The following CMTM4 variants were observed in gnomAD, a reference collection of about 807,000 sequenced individuals.
CMTM4 encodes CKLF like MARVEL transmembrane domain containing 4.
CMTM4 carries 8 observed loss-of-function variants against 19.0 expected under a neutral mutation model. The observed-to-expected ratio is 0.42, with a 90% CI of 0.25 to 0.76. The LOEUF is 0.76. CMTM4 is among the 30% of genes least tolerant of loss of function. The pLI, the probability that CMTM4 is intolerant of heterozygous loss-of-function variation, is 0.27. For synonymous variants in CMTM4, 106 were observed against 121.1 expected, an observed-to-expected ratio of 0.88 and a Z score of 0.82; for missense variants, 228 against 290.2, an observed-to-expected ratio of 0.79 and a Z score of 1.56.
intron 2 of CMTM4, among the ~76,000 whole-genome samples, chr16:66,635,119 G>A (rs911643270): frequency 2.0e-5 from 3 of 152,100 alleles, no homozygotes; most frequent in Admixed American, 6.5e-5. Context: ...GGTTTGCAAA[G>A]TTCTCTTAAA....
intron 1 of CMTM4, among the ~76,000 whole-genome samples, chr16:66,682,958 A>G (rs773764092): frequency 1.4e-4 from 22 of 151,966 alleles, no homozygotes; most frequent in Admixed American, 1.2e-3. Context: ...GGTTTCCCCA[A>G]CTTTTACAAA....
At chr16:66,682,602 TTTGAAA>T (rs1246716275) in intron 1 of CMTM4, among the ~76,000 whole-genome samples, 4 of 152,198 alleles carry the variant, frequency 2.6e-5, no homozygotes, top group Admixed American at 6.6e-5. Flanking sequence ...TAACCATTCA[TTTGAAA>T]TTGTCAACAA....
intron 1 of CMTM4, among the ~76,000 whole-genome samples, chr16:66,643,617 G>A (rs2144824512): frequency 6.6e-6 from 1 of 152,300 alleles, no homozygotes; most frequent in Admixed American, 6.5e-5. Flanking sequence ...GTAATGTAGT[G>A]TATGCAACTA....
chr16:66,663,892 A>G (rs1390777204), intron 1 of CMTM4, among the ~76,000 whole-genome samples: 1 of 152,016 alleles, frequency 6.6e-6, no homozygotes, highest in East Asian at 1.9e-4. Flanking sequence ...CTGTCTTTCT[A>G]TTTGTTTAAA....
chr16:66,600,136 G>GTGTGTGGTTTT, the CMTM4 span, among the ~76,000 whole-genome samples: 1 of 135,154 alleles, frequency 7.4e-6, no homozygotes, highest in Admixed American at 7.8e-5. Flanking sequence ...GTGTGTGTGT[G>GTGTGTGGTTTT]TTTTTTTTTG....
In CMTM4 at chr16:66,627,121, A is replaced by G. The variant is rs540802151; in HGVS notation, c.364-3619T>C. Among the ~76,000 whole-genome samples, 3 of 152,312 alleles carry G rather than the reference A, an allele frequency of 2.0e-5. No homozygotes were observed. In the East Asian group the frequency reaches 5.8e-4, roughly 29 times the overall value. On this transcript the variant is annotated intron_variant, in intron 2 of 3. Transcript: ENST00000394106. ...CTGTCTCAAAAAAATAAATAAATAA[A>G]TGATATAAGGCAAAAAGGTCTAAGT...
chr16:66,676,310 C>T (rs2016810120), intron 1 of CMTM4, among the ~76,000 whole-genome samples: 1 of 152,194 alleles, frequency 6.6e-6, no homozygotes, highest in Non-Finnish European at 1.5e-5. Flanking sequence ...CAAAAAACGC[C>T]TAAGGCTCTT....
At chr16:66,611,656 G>C (rs1457173836), downstream of CMTM4, among the ~76,000 whole-genome samples, 1 of 152,102 alleles carries the variant, frequency 6.6e-6, no homozygotes, top group Non-Finnish European at 1.5e-5. Flanking sequence ...TCAGGAAGTA[G>C]CAACCAGCAC....
chr16:66,666,701 G>T (rs2016600188), intron 1 of CMTM4, among the ~76,000 whole-genome samples: 1 of 152,166 alleles, frequency 6.6e-6, no homozygotes, highest in Non-Finnish European at 1.5e-5. Flanking sequence ...ATTATGAGAT[G>T]CCACTACACA....
chr16:66,666,181 G>A lies in CMTM4; in HGVS notation c.187-29600C>T, dbSNP rs571244897. Among the ~76,000 whole-genome samples the A allele has an allele frequency of 2.2e-4, 33 of 152,092 alleles. No homozygotes were observed. In the East Asian group the frequency reaches 3.1e-3, roughly 14 times the overall value. On this transcript the variant is annotated intron_variant, in intron 1 of 3. Transcript: ENST00000394106. The stretch of plus-strand genomic sequence containing the variant: ...TAAGAAAATAAGACAGGCCAGGTGC[G>A]GTGGCTCACGCCTGTAATCCCAGCA...
intron 1 of CMTM4, among the ~76,000 whole-genome samples, chr16:66,655,840 G>A (rs1301887252): frequency 6.6e-6 from 1 of 152,154 alleles, no homozygotes; most frequent in Non-Finnish European, 1.5e-5. Flanking sequence ...TAGTTTGGCC[G>A]GGTGCAGTGG....
chr16:66,604,974 G>C, the CMTM4 span: 7 of 1,473,846 alleles, frequency 4.7e-6, no homozygotes, highest in Non-Finnish European at 5.4e-6. Flanking sequence ...GGGACCCTCG[G>C]CCGCCCCGCT....
At position 66,622,763 on chromosome 16, in the gene CMTM4, C is replaced by G. The variant is rs2015663457; in HGVS notation, c.463-541G>C. ...ACACCTGCCTCTCATGGGGCAGCTCCAAGTAAGCAGCTCCAGAGTAAGAAG... is the reference window on the plus strand; with the variant it reads ...ACACCTGCCTCTCATGGGGCAGCTCGAAGTAAGCAGCTCCAGAGTAAGAAG... On this transcript the variant is annotated intron_variant, in intron 3 of 3. Coordinates refer to ENST00000394106, the MANE Select transcript of CMTM4 (RefSeq NM_181521.3). The surrounding 1 kb of genome is among the most constrained non-coding windows in gnomAD (Gnocchi z 4.0). Among the ~76,000 whole-genome samples, 2 of 152,210 alleles carry G rather than the reference C, an allele frequency of 1.3e-5. No homozygotes were observed. The highest frequency in any genetic ancestry group is 1.9e-4 in the East Asian group (1 of 5,194).
the CMTM4 span, among the ~76,000 whole-genome samples, chr16:66,598,463 T>G: frequency 4.6e-5 from 7 of 152,302 alleles, no homozygotes; most frequent in East Asian, 1.4e-3. Flanking sequence ...TGAAATAAAA[T>G]GCACCCATTG....
rs533857690 is a variant in CMTM4, at chr16:66,620,182, T to C, written c.*1876A>G. 3.0e-6 allele frequency: 3 copies of C among 985,488 alleles called. No individual in the cohort carries two copies. The South Asian group carries it at 1.4e-4, about 46-fold the overall frequency. 61.0% of individuals were successfully genotyped at this position (985,488 alleles called of 1,614,324 possible). On this transcript the variant is annotated 3_prime_UTR_variant, in exon 4 of 4. Transcript: ENST00000394106. The stretch of plus-strand genomic sequence containing the variant: ...GGATGGTCCTTCCAAGTGGGCCCCA[T>C]TTAATGCAAGGCTGAGCCTTTGTGG...
At chr16:66,609,404 G>A in the CMTM4 span, 3 of 1,593,812 alleles carry the variant, frequency 1.9e-6, no homozygotes, top group East Asian at 2.2e-5. This position sits in a 1 kb window ranked among gnomAD's most constrained non-coding sequence, Gnocchi z 4.4. Flanking sequence ...CAGCTCCAGG[G>A]GCTCAGGGCA....
intron 1 of CMTM4, among the ~76,000 whole-genome samples, chr16:66,655,149 A>C (rs1452419574): frequency 1.3e-5 from 2 of 152,062 alleles, no homozygotes; most frequent in African/African-American, 2.4e-5. Context: ...ATACACGGCT[A>C]ATTTTTCTAA....
the CMTM4 span, chr16:66,609,590 G>A: frequency 6.5e-7 from 1 of 1,533,898 alleles, no homozygotes; most frequent in Non-Finnish European, 8.8e-7. The surrounding 1 kb of genome is among the most constrained non-coding windows in gnomAD (Gnocchi z 4.4). Context: ...CTCATTTAGG[G>A]TGGGACCTGG....
chr16:66,608,231 C>A, the CMTM4 span: 1 of 1,538,470 alleles, frequency 6.5e-7, no homozygotes, highest in Non-Finnish European at 8.9e-7. This position sits in a 1 kb window ranked among gnomAD's most constrained non-coding sequence, Gnocchi z 5.1. Flanking sequence ...CTATCCTGAC[C>A]ACAGGGCCTG....
Sources: gnomAD v4.1 joint callset for allele counts (sites outside exome capture counted in the v4.1 genomes callset) on GRCh38, gnomAD v4.1.1 for gene constraint, Gnocchi (gnomAD v3.1) non-coding constraint, MANE v1.5 for transcripts, NCBI Gene and HGNC (gene_info 2026-07-23, HGNC 2026-07-21) for gene names.